The following RNLS variants were observed in gnomAD, a reference collection of about 807,000 sequenced individuals.
The protein encoded by RNLS is renalase.
In RNLS, 39 loss-of-function variants were observed where a neutral mutation model predicts 39.8. The observed-to-expected ratio is 0.98, with a 90% CI of 0.76 to 1.28. The LOEUF (loss-of-function observed/expected upper bound fraction) is 1.28, where lower values mean the gene tolerates loss of function less well. RNLS is among the 50% of genes most tolerant of loss of function. The pLI is 0.00. For synonymous variants in RNLS, 147 were observed against 150.7 expected, an observed-to-expected ratio of 0.98 and a Z score of 0.18; for missense variants, 410 against 413.3, an observed-to-expected ratio of 0.99 and a Z score of 0.07.
intron 4 of RNLS, among the ~76,000 whole-genome samples, chr10:88,370,639 T>C (rs1850482404): frequency 6.6e-6 from 1 of 152,220 alleles, no homozygotes; most frequent in South Asian, 2.1e-4. Flanking sequence ...ATTCAACTCC[T>C]TAGATTAGAT....
chr10:88,208,107 C>T, the RNLS span, among the ~76,000 whole-genome samples: 4 of 152,122 alleles, frequency 2.6e-5, no homozygotes, highest in African/African-American at 4.8e-5. Flanking sequence ...TTCTGTCTCT[C>T]TATAGGCGAA....
chr10:88,172,777 T>C, the RNLS span, among the ~76,000 whole-genome samples: 1 of 151,342 alleles, frequency 6.6e-6, no homozygotes, highest in Admixed American at 6.6e-5. Context: ...GCATGTCTCC[T>C]ATGTTTTCTT....
intron 4 of RNLS, among the ~76,000 whole-genome samples, chr10:88,492,882 T>C (rs1311975425): frequency 6.6e-6 from 1 of 152,150 alleles, no homozygotes; most frequent in Non-Finnish European, 1.5e-5. Context: ...CATGATATGT[T>C]TTCTTCTCTC....
chr10:88,542,886 G>A (rs1848120872), intron 4 of RNLS, among the ~76,000 whole-genome samples: 1 of 152,022 alleles, frequency 6.6e-6, no homozygotes, highest in African/African-American at 2.4e-5. Context: ...AATGCTCCAG[G>A]TTCTCATGAG....
At chr10:88,447,422 G>T (rs891061263) in intron 4 of RNLS, among the ~76,000 whole-genome samples, 6 of 152,122 alleles carry the variant, frequency 3.9e-5, no homozygotes, top group African/African-American at 1.4e-4. Flanking sequence ...GCTTCAAAGA[G>T]AATAAATACC....
At chr10:88,557,285 A>T (rs1438684735) in intron 4 of RNLS, among the ~76,000 whole-genome samples, 1 of 152,284 alleles carries the variant, frequency 6.6e-6, no homozygotes, top group Non-Finnish European at 1.5e-5. Context: ...AGGAGAGATC[A>T]ACATTTAAAT....
At chr10:88,218,493 G>A in the RNLS span, among the ~76,000 whole-genome samples, 1 of 152,176 alleles carries the variant, frequency 6.6e-6, no homozygotes, top group Non-Finnish European at 1.5e-5. Context: ...TTCATTTCCT[G>A]GCATGAGCAG....
chr10:88,570,093 A>G (rs1320164424), intron 4 of RNLS, among the ~76,000 whole-genome samples: 2 of 152,164 alleles, frequency 1.3e-5, no homozygotes, highest in Non-Finnish European at 2.9e-5. Flanking sequence ...AAATAATTCT[A>G]TGAGGCCTAC....
chr10:88,544,236 T>C (rs1848181893), intron 4 of RNLS, among the ~76,000 whole-genome samples: 1 of 152,206 alleles, frequency 6.6e-6, no homozygotes, highest in Non-Finnish European at 1.5e-5. Flanking sequence ...TCCTTTTCAT[T>C]CAGAGAGAGA....
chr10:88,252,719 T>A, the RNLS span, among the ~76,000 whole-genome samples: 5 of 152,192 alleles, frequency 3.3e-5, no homozygotes, highest in African/African-American at 1.2e-4. Flanking sequence ...GGACTGGAGG[T>A]ACCTTGAGCA....
rs540090485 is a variant in RNLS at position 88,284,136 on chromosome 10, G to A, written c.*1218C>T. 4 of 985,106 alleles carry A rather than the reference G, an allele frequency of 4.1e-6. No homozygotes were observed. The East Asian group carries it at 3.4e-4, about 84-fold the overall frequency. The allele number at this position is 985,106 out of a possible 1,614,324, so 61.0% of individuals were successfully genotyped here. A position where few individuals can be genotyped will look rare whatever the true frequency, so the allele number is the denominator to read the frequency against. On this transcript the variant is annotated 3_prime_UTR_variant, in exon 7 of 7. Transcript: ENST00000331772. ...AAGTTTTTCACCAATTTATTGCTAA[G>A]AGGAAACATATAATAATATGCTATA... is the stretch of plus-strand genomic sequence containing the variant.
At chr10:88,490,502 A>G (rs915301989) in intron 4 of RNLS, among the ~76,000 whole-genome samples, 1 of 152,236 alleles carries the variant, frequency 6.6e-6, no homozygotes, top group Non-Finnish European at 1.5e-5. Flanking sequence ...GTTTTGATAC[A>G]GTCAAGAATC....
chr10:88,201,812 G>A, the RNLS span, among the ~76,000 whole-genome samples: 2 of 152,200 alleles, frequency 1.3e-5, no homozygotes, highest in South Asian at 2.1e-4. Flanking sequence ...CAGGTATCCA[G>A]AGATGTGAAA....
intron 5 of RNLS, among the ~76,000 whole-genome samples, chr10:88,349,669 ATTAAT>A (rs1848541127): frequency 1.3e-5 from 2 of 152,052 alleles, no homozygotes; most frequent in African/African-American, 4.8e-5. Flanking sequence ...ATTTGTGCCT[ATTAAT>A]TTAAATAACA....
At chr10:88,293,186 G>C (rs999217785) in intron 6 of RNLS, among the ~76,000 whole-genome samples, 6 of 152,168 alleles carry the variant, frequency 3.9e-5, no homozygotes, top group Admixed American at 3.9e-4. Flanking sequence ...GGAAAACTTT[G>C]AGTAATAATC....
chr10:88,315,113 A>G (rs1346392433), intron 5 of RNLS, among the ~76,000 whole-genome samples: 1 of 152,210 alleles, frequency 6.6e-6, no homozygotes. Flanking sequence ...AATTACACAA[A>G]TGTCAGAACA....
intron 3 of RNLS, among the ~76,000 whole-genome samples, chr10:88,581,274 ATATG>A (rs1448570014): frequency 1.7e-4 from 23 of 136,072 alleles, no homozygotes; most frequent in East Asian, 4.1e-4. Context: ...AAAGAAATAT[ATATG>A]TATGTGTGTG....
chr10:88,419,745 C>A (rs1158904719), intron 4 of RNLS, among the ~76,000 whole-genome samples: 1 of 152,254 alleles, frequency 6.6e-6, no homozygotes, highest in East Asian at 1.9e-4. Context: ...TGGCTCACGC[C>A]TGTAATACCG....
Position 88,473,425 on chromosome 10 carries a change from A to AACACAC in RNLS, c.526+99472_526+99477dup, listed in dbSNP as rs112846794. ...ACCATTTTATTTTTCTGGGTAGTAA[A>AACACAC]ACACACACACACACACACACAAATA... On this transcript the variant is annotated intron_variant, in intron 4 of 6. Transcript: ENST00000331772. Among the ~76,000 whole-genome samples the AACACAC allele has an allele frequency of 1.0e-3, 151 of 150,582 alleles. 1 individual carries two copies. Among genetic ancestry groups the AACACAC allele is most frequent in the South Asian group, 7.2e-3 (34 of 4,746 alleles).
Sources: allele counts gnomAD v4.1 joint callset (sites outside exome capture counted in the v4.1 genomes callset), GRCh38; gene constraint gnomAD v4.1.1; transcripts MANE v1.5; gene names NCBI Gene and HGNC (gene_info 2026-07-23, HGNC 2026-07-21).